The following ADAMTS12 variants were observed in gnomAD, a reference collection of about 807,000 sequenced individuals.
ADAMTS12 encodes the protein ADAM metallopeptidase with thrombospondin type 1 motif 12.
ADAMTS12 carries 118 observed loss-of-function variants against 167.8 expected under a neutral mutation model. The observed-to-expected ratio is 0.70, with a 90% CI of 0.61 to 0.82. The LOEUF is 0.82. Among genes scored for constraint, ADAMTS12 ranks in the 40% least tolerant of loss-of-function variants. ADAMTS12 has a pLI of 0.00. For missense variants in ADAMTS12, 1,916 were observed against 1,998.8 expected (o/e 0.96, Z 0.79); for synonymous variants, 704 against 716.9 (o/e 0.98, Z 0.29).
At chr5:33,782,156 G>A (rs1245879979) in intron 2 of ADAMTS12, among the ~76,000 whole-genome samples, 2 of 151,818 alleles carry the variant, frequency 1.3e-5, no homozygotes, top group Non-Finnish European at 2.9e-5. Context: ...AAGCAATAAT[G>A]CCAACAGTGT....
At position 33,751,559 on chromosome 5, in the gene ADAMTS12, A is replaced by G. The variant is rs1391983728; in HGVS notation, c.490-11T>C. ...TTGGAAAAATCCAGTCTGTAAATAC[A>G]TTCAGTAAGAAAGTTTATTTTAACC... On this transcript the variant is annotated splice_polypyrimidine_tract_variant and intron_variant, in intron 2 of 23. Transcript: ENST00000504830. 3 of 1,612,360 alleles carry G rather than the reference A, an allele frequency of 1.9e-6. No homozygotes were observed. Among genetic ancestry groups the G allele is most frequent in the Non-Finnish European group, 2.5e-6 (3 of 1,179,416 alleles).
chr5:33,549,014 T>A (rs1745119307), intron 21 of ADAMTS12, among the ~76,000 whole-genome samples, 193 bp downstream of exon 21: 1 of 152,228 alleles, frequency 6.6e-6, no homozygotes, highest in African/African-American at 2.4e-5. Flanking sequence ...GTCTCCACCG[T>A]GGAATTTTTT....
chr5:33,823,280 C>A (rs1747931946), intron 2 of ADAMTS12, among the ~76,000 whole-genome samples: 2 of 152,148 alleles, frequency 1.3e-5, no homozygotes, highest in South Asian at 4.1e-4. Flanking sequence ...GAGTGAAGCA[C>A]ACTGGCTGTT....
intron 2 of ADAMTS12, among the ~76,000 whole-genome samples, chr5:33,838,775 G>A (rs1748628744): frequency 6.6e-6 from 1 of 152,100 alleles, no homozygotes; most frequent in South Asian, 2.1e-4. Flanking sequence ...GAGGACCTGG[G>A]GAGGGATGGT....
rs543273476 is a variant in ADAMTS12 at position 33,586,030 on chromosome 5, C to G, written c.2865+2569G>C. On this transcript the variant is annotated intron_variant, in intron 18 of 23. Transcript: ENST00000504830. ...GTCTAGAAGGCTGTCAGTTCTTGGG[C>G]CTTTTGGATAAGTAACTTTACAGTT... Among the ~76,000 whole-genome samples the G allele has an allele frequency of 2.8e-4, 42 of 152,204 alleles. No homozygotes were observed. The South Asian group carries it at 4.1e-3, about 15-fold the overall frequency.
intron 23 of ADAMTS12, among the ~76,000 whole-genome samples, chr5:33,528,086 A>T (rs989576935): frequency 7.8e-6 from 1 of 128,332 alleles, no homozygotes; most frequent in African/African-American, 3.7e-5. Context: ...ACTCAACCAG[A>T]AAAAAAAAAA....
intron 5 of ADAMTS12, among the ~76,000 whole-genome samples, chr5:33,665,193 GA>G (rs1741422194): frequency 6.6e-6 from 1 of 152,136 alleles, no homozygotes; most frequent in Non-Finnish European, 1.5e-5. Flanking sequence ...CACTTATGTG[GA>G]ATCTATAAAA....
chr5:33,806,533 AG>A (rs1320270373), intron 2 of ADAMTS12, among the ~76,000 whole-genome samples: 1 of 152,248 alleles, frequency 6.6e-6, no homozygotes, highest in Non-Finnish European at 1.5e-5. Context: ...ATCCAAGTCA[AG>A]GAGTCTCGGC....
At chr5:33,586,140 C>T (rs552464592) in intron 18 of ADAMTS12, among the ~76,000 whole-genome samples, 1 of 152,236 alleles carries the variant, frequency 6.6e-6, no homozygotes, top group South Asian at 2.1e-4. Flanking sequence ...CACTATCCTG[C>T]TTCAAATGAT....
At chr5:33,838,549 G>A (rs1440388444) in intron 2 of ADAMTS12, among the ~76,000 whole-genome samples, 1 of 152,112 alleles carries the variant, frequency 6.6e-6, no homozygotes, top group African/African-American at 2.4e-5. Context: ...CGGGTGTGAT[G>A]GTGCATGCCT....
chr5:33,661,912 G>A lies in ADAMTS12; in HGVS notation c.1040+4C>T, dbSNP rs372571105. 3 of 1,613,104 alleles carry A rather than the reference G, an allele frequency of 1.9e-6. No homozygotes were observed. Among genetic ancestry groups the A allele is most frequent in the Non-Finnish European group, 8.5e-7 (1 of 1,179,448 alleles). ...CCCTGGGTTTCATGTAGTCTCTGGTGTACCTGGTGAGAAGGACAGCCACGT... is the reference window on the plus strand; with the variant it reads ...CCCTGGGTTTCATGTAGTCTCTGGTATACCTGGTGAGAAGGACAGCCACGT... On this transcript the variant is annotated splice_donor_region_variant and intron_variant, in intron 6 of 23. Coordinates refer to ENST00000504830, the MANE Select transcript of ADAMTS12 (RefSeq NM_030955.4).
At chr5:33,844,810 G>A (rs765877477) in intron 2 of ADAMTS12, among the ~76,000 whole-genome samples, 3 of 152,012 alleles carry the variant, frequency 2.0e-5, no homozygotes, top group African/African-American at 4.8e-5. Flanking sequence ...GGGGCATCAC[G>A]GAACCTACCG....
intron 16 of ADAMTS12, among the ~76,000 whole-genome samples, chr5:33,610,996 T>A (rs1738702582): frequency 6.6e-6 from 1 of 151,666 alleles, no homozygotes; most frequent in Non-Finnish European, 1.5e-5. Context: ...AACCCAGAGG[T>A]AGAAGTTTCA....
chr5:33,762,207 AAAAAT>A (rs1261324240), intron 2 of ADAMTS12, among the ~76,000 whole-genome samples: 1 of 150,038 alleles, frequency 6.7e-6, no homozygotes, highest in Non-Finnish European at 1.5e-5. Flanking sequence ...AAAAAATAAT[AAAAAT>A]AAAAAAATAA....
chr5:33,853,041 G>T (rs969817453), intron 2 of ADAMTS12, among the ~76,000 whole-genome samples: 3 of 152,178 alleles, frequency 2.0e-5, no homozygotes, highest in Admixed American at 2.0e-4. Flanking sequence ...TCCCCAGGGT[G>T]CACTGCTGTC....
intron 3 of ADAMTS12, among the ~76,000 whole-genome samples, chr5:33,722,619 C>T (rs1057002327): frequency 3.3e-5 from 5 of 152,254 alleles, no homozygotes; most frequent in South Asian, 2.1e-4. Flanking sequence ...GTTTCCTTTA[C>T]GCACAGTTTG....
intron 3 of ADAMTS12, among the ~76,000 whole-genome samples, chr5:33,724,590 C>T (rs1451537944): frequency 1.4e-5 from 2 of 147,650 alleles, no homozygotes; most frequent in Non-Finnish European, 3.0e-5. Flanking sequence ...CTCGCTCTTT[C>T]GCCCAGGTTG....
At chr5:33,889,797 C>T (rs527457182) in intron 1 of ADAMTS12, among the ~76,000 whole-genome samples, 17 of 152,128 alleles carry the variant, frequency 1.1e-4, no homozygotes, top group African/African-American at 3.1e-4. Context: ...ACTAAAAATA[C>T]AAAAATTAGC....
chr5:33,677,423 A>C (rs983022329), intron 5 of ADAMTS12, among the ~76,000 whole-genome samples: 1 of 152,200 alleles, frequency 6.6e-6, no homozygotes, highest in South Asian at 2.1e-4. Flanking sequence ...TACCAAAATT[A>C]TATGGCTAGC....
Sources: gnomAD v4.1 joint callset for allele counts (sites outside exome capture counted in the v4.1 genomes callset) on GRCh38, gnomAD v4.1.1 for gene constraint, MANE v1.5 for transcripts, NCBI Gene and HGNC (gene_info 2026-07-23, HGNC 2026-07-21) for gene names.